Variants in RAI14 observed in about 807,000 individuals in gnomAD.
RAI14 encodes the protein retinoic acid induced 14.
A neutral mutation model predicts 115.4 loss-of-function variants in RAI14; 45 were observed. The observed-to-expected ratio is 0.39, with a 90% CI of 0.31 to 0.50. The LOEUF (loss-of-function observed/expected upper bound fraction) is 0.50. RAI14 is among the 20% of genes least tolerant of loss of function. The probability of loss-of-function intolerance (pLI) is 0.85; values close to 1 mark genes in which losing one functional copy is unlikely to be tolerated. For missense variants in RAI14, 939 were observed against 1,131.2 expected (o/e 0.83, Z 2.44); for synonymous variants, 371 against 415.4 (o/e 0.89, Z 1.30).
intron 3 of RAI14, among the ~76,000 whole-genome samples, chr5:34,762,893 C>T (rs1049290050): frequency 1.3e-5 from 2 of 151,414 alleles, no homozygotes; most frequent in Non-Finnish European, 2.9e-5. Flanking sequence ...ACAAATACCA[C>T]CTGGGCATGT....
chr5:34,825,689 G>A (rs1045276077), intron 15 of RAI14, among the ~76,000 whole-genome samples: 15 of 152,004 alleles, frequency 9.9e-5, no homozygotes, highest in Admixed American at 6.6e-5. Flanking sequence ...GGGAAGCAAA[G>A]GGGAAGTTCA....
intron 3 of RAI14, among the ~76,000 whole-genome samples, chr5:34,781,848 T>C (rs1391313810): frequency 3.9e-5 from 6 of 152,038 alleles, no homozygotes; most frequent in African/African-American, 1.5e-4. Flanking sequence ...CACACAGAAA[T>C]ACAGAGTGTG....
At chr5:34,755,431 G>A (rs183413298) in intron 2 of RAI14, among the ~76,000 whole-genome samples, 25 of 152,268 alleles carry the variant, frequency 1.6e-4, no homozygotes, top group South Asian at 1.0e-3. Flanking sequence ...CTAACGTCAC[G>A]TGAAGTCTCG....
rs10065376 is a variant in RAI14 at position 34,687,993 on chromosome 5, T to G, written c.36+1038T>G. The G allele has an allele frequency of 8.1e-3, 10,142 of 1,248,960 alleles. 671 individuals carry two copies. In the African/African-American group the frequency reaches 0.14, roughly 17 times the overall value. The allele number at this position is 1,248,960 out of a possible 1,614,324, so 77.4% of individuals were successfully genotyped here. ...AGATGAGATGCTTATGGGATGATGGTAAAATACCGACCCACTTAAAGAAAG... is the reference window on the plus strand; with the variant it reads ...AGATGAGATGCTTATGGGATGATGGGAAAATACCGACCCACTTAAAGAAAG... On this transcript the variant is annotated intron_variant, in intron 2 of 17. Coordinates refer to ENST00000265109, the MANE Select transcript of RAI14 (RefSeq NM_015577.3).
chr5:34,734,853 G>A (rs761320751), intron 2 of RAI14, among the ~76,000 whole-genome samples: 34 of 151,996 alleles, frequency 2.2e-4, no homozygotes, highest in African/African-American at 3.6e-4. Flanking sequence ...AAGAGACAGC[G>A]TTTCACCATG....
rs369742853 is a variant in RAI14 at position 34,665,198 on chromosome 5, T to TATAC, written c.-49+8724_-49+8725insTACA. ...ACACACATATATATATGTATATATA[T>TATAC]ACACACACCACAGTTTCTTTATCCA... is the stretch of plus-strand genomic sequence containing the variant. On this transcript the variant is annotated intron_variant, in intron 1 of 17. Coordinates refer to ENST00000265109, the MANE Select transcript of RAI14 (RefSeq NM_015577.3). Among the ~76,000 whole-genome samples the TATAC allele has an allele frequency of 4.0e-5, 3 of 75,710 alleles. 1 individual carries two copies. In the East Asian group the frequency reaches 8.6e-4, roughly 22 times the overall value. The allele number at this position is 75,710 out of a possible 152,430, so 49.7% of individuals were successfully genotyped here.
chr5:34,703,061 A>C (rs1426666610), intron 2 of RAI14, among the ~76,000 whole-genome samples: 1 of 152,276 alleles, frequency 6.6e-6, no homozygotes, highest in East Asian at 1.9e-4. Flanking sequence ...AATGAGAAAC[A>C]AAGTGTAACC....
rs117685397 is a variant in RAI14 at position 34,821,207 on chromosome 5, G to A, written c.995-525G>A. 1.1e-4 allele frequency among the ~76,000 whole-genome samples: 16 copies of A among 152,310 alleles called. 1 individual carries two copies. The East Asian group carries it at 2.7e-3, about 26-fold the overall frequency. On this transcript the variant is annotated intron_variant, in intron 13 of 17. Transcript: ENST00000265109. ...GACCCAGAGGAATGACCCAATCAAA[G>A]TATGTTTTAGGAAGACTGGTCTGAC...
chr5:34,698,243 AC>A (rs2149920388), intron 2 of RAI14, among the ~76,000 whole-genome samples: 1 of 139,210 alleles, frequency 7.2e-6, no homozygotes, highest in South Asian at 2.4e-4. Context: ...TAGTTTTCTC[AC>A]CTGTAAACTG....
intron 1 of RAI14, among the ~76,000 whole-genome samples, chr5:34,668,133 C>G (rs1329628964): frequency 6.6e-6 from 1 of 152,084 alleles, no homozygotes; most frequent in Non-Finnish European, 1.5e-5. Context: ...TGGACTCACG[C>G]GTATAATCCC....
chr5:34,751,646 C>T (rs559214994), intron 2 of RAI14, among the ~76,000 whole-genome samples: 3 of 152,094 alleles, frequency 2.0e-5, no homozygotes, highest in Non-Finnish European at 4.4e-5. Flanking sequence ...TATTCTGTTG[C>T]TTGACGACGT....
intron 4 of RAI14, among the ~76,000 whole-genome samples, chr5:34,798,195 C>T (rs182882): frequency 0.042 from 6,393 of 152,184 alleles, 450 homozygotes; most frequent in African/African-American, 0.14. Flanking sequence ...ACCACCACCA[C>T]GCCCGGCTAA....
At chr5:34,684,376 A>G (rs1744635705) in intron 1 of RAI14, 1 of 152,242 alleles carries the variant, frequency 6.6e-6, no homozygotes. Context: ...TGGATTAACT[A>G]GGGGCTGACT....
chr5:34,752,837 G>A (rs1446451453), intron 2 of RAI14, among the ~76,000 whole-genome samples: 1 of 147,524 alleles, frequency 6.8e-6, no homozygotes, highest in Admixed American at 6.8e-5. Context: ...GTGCAATCTC[G>A]GTTCACTGCA....
chr5:34,744,070 T>C (rs1029117069), intron 2 of RAI14, among the ~76,000 whole-genome samples: 2 of 152,172 alleles, frequency 1.3e-5, no homozygotes, highest in African/African-American at 4.8e-5. Context: ...ATCGCTTGGG[T>C]GAAGGGCAAA....
At chr5:34,729,976 A>C (rs1366057644) in intron 2 of RAI14, among the ~76,000 whole-genome samples, 1 of 152,154 alleles carries the variant, frequency 6.6e-6, no homozygotes, top group Non-Finnish European at 1.5e-5. Context: ...CATTGTTTAG[A>C]GACACATACT....
chr5:34,784,000 T>C (rs1157526429), intron 3 of RAI14, among the ~76,000 whole-genome samples: 3 of 152,216 alleles, frequency 2.0e-5, no homozygotes, highest in Non-Finnish European at 4.4e-5. Context: ...AGGGAACATG[T>C]GTGACATCCA....
rs767116294 is a variant in RAI14, at chr5:34,773,080, A to C, written c.167+15482A>C. On this transcript the variant is annotated intron_variant, in intron 3 of 17. Coordinates refer to ENST00000265109, the MANE Select transcript of RAI14 (RefSeq NM_015577.3). ...AACAGCAGATTCCTTTATTTGTGGA[A>C]CATATCCATAAAATTGTTTTTATGG... Among the ~76,000 whole-genome samples, 4 of 152,286 alleles carry C rather than the reference A, an allele frequency of 2.6e-5. No individual in the cohort carries two copies. The South Asian group carries it at 8.3e-4, about 32-fold the overall frequency.
intron 2 of RAI14, among the ~76,000 whole-genome samples, chr5:34,722,710 G>A (rs990549615): frequency 1.3e-5 from 2 of 151,152 alleles, no homozygotes; most frequent in African/African-American, 4.9e-5. Context: ...GCTGGGTGTG[G>A]TGTTGTGCTC....
Sources: gnomAD v4.1 joint callset for allele counts (sites outside exome capture counted in the v4.1 genomes callset) on GRCh38, gnomAD v4.1.1 for gene constraint, MANE v1.5 for transcripts, NCBI Gene and HGNC (gene_info 2026-07-23, HGNC 2026-07-21) for gene names.